Variants in PPP1R1C observed in about 807,000 individuals in gnomAD.
The protein encoded by PPP1R1C is protein phosphatase 1 regulatory inhibitor subunit 1C.
Under a neutral mutation model 17.4 loss-of-function variants are expected in PPP1R1C, and 15 were observed. That is an observed-to-expected ratio of 0.86 (90% confidence interval 0.58 to 1.33). The LOEUF is 1.33. Ranked by LOEUF, PPP1R1C falls within the 40% of genes most tolerant of loss-of-function variation. The pLI, the probability that PPP1R1C is intolerant of heterozygous loss-of-function variation, is 0.00. For synonymous variants in PPP1R1C, 35 were observed against 43.1 expected, an observed-to-expected ratio of 0.81 and a Z score of 0.73; for missense variants, 143 against 130.0, an observed-to-expected ratio of 1.10 and a Z score of -0.48.
Position 181,961,759 on chromosome 2 carries a change from T to G in PPP1R1C, n.111+7125T>G. The G allele has an allele frequency of 8.0e-7, 1 of 1,243,996 alleles. No homozygotes were observed. Among genetic ancestry groups the G allele is most frequent in the Non-Finnish European group, 1.2e-6 (1 of 856,426 alleles). 77.1% of individuals were successfully genotyped at this position (1,243,996 alleles called of 1,614,324 possible). On this transcript the variant is annotated intron_variant and non_coding_transcript_variant, in intron 1 of 5. Coordinates refer to the PPP1R1C transcript ENST00000464264. The surrounding 1 kb of genome is among the most constrained non-coding windows in gnomAD (Gnocchi z 5.8). Reference sequence around the variant, plus strand: ...TATGATCTTGGCAAGGTCCTGAGATTTGGGGGCATCTACCTCCACGGTCAA... The same window carrying G: ...TATGATCTTGGCAAGGTCCTGAGATGTGGGGGCATCTACCTCCACGGTCAA...
intron 2 of PPP1R1C, among the ~76,000 whole-genome samples, chr2:181,993,965 T>C (rs1685540556): frequency 6.6e-6 from 1 of 151,944 alleles, no homozygotes. Context: ...CTAATCCAGA[T>C]GATGTTAGTC....
chr2:182,028,065 T>C (rs1316241384), intron 2 of PPP1R1C, among the ~76,000 whole-genome samples: 1 of 135,032 alleles, frequency 7.4e-6, no homozygotes, highest in Non-Finnish European at 1.6e-5. Context: ...ATATCCCCTT[T>C]ATCATTTTTT....
At chr2:182,078,064 C>G (rs1442005734) in intron 4 of PPP1R1C, among the ~76,000 whole-genome samples, 2 of 152,108 alleles carry the variant, frequency 1.3e-5, no homozygotes, top group Non-Finnish European at 2.9e-5. Context: ...CCTGTTGTCC[C>G]AGCTACTCCG....
At chr2:182,029,611 G>A (rs1686749929) in intron 2 of PPP1R1C, among the ~76,000 whole-genome samples, 1 of 130,698 alleles carries the variant, frequency 7.7e-6, no homozygotes, top group South Asian at 2.9e-4. Flanking sequence ...TCCCTTTGAG[G>A]GTAACCCGAC....
chr2:182,096,963 T>C (rs1269195705), intron 4 of PPP1R1C, among the ~76,000 whole-genome samples: 2 of 152,176 alleles, frequency 1.3e-5, no homozygotes, highest in African/African-American at 2.4e-5. Flanking sequence ...CAGAATCAGG[T>C]GACAAAGACT....
chr2:182,063,694 A>G, intron 3 of PPP1R1C, 37 bp from the exon 4 acceptor site: 1 of 1,561,208 alleles, frequency 6.4e-7, no homozygotes, highest in South Asian at 1.1e-5. Context: ...CTTTGTATCC[A>G]AATCTAAGGC....
At chr2:182,084,561 A>G (rs1460879091) in intron 4 of PPP1R1C, among the ~76,000 whole-genome samples, 6 of 152,094 alleles carry the variant, frequency 3.9e-5, no homozygotes. Context: ...TGCTTCATTT[A>G]AGATCAGCTG....
At chr2:181,983,241 T>C (rs998854925), upstream of PPP1R1C, among the ~76,000 whole-genome samples, 1 of 152,342 alleles carries the variant, frequency 6.6e-6, no homozygotes, top group African/African-American at 2.4e-5. Flanking sequence ...GCCCAAGCCC[T>C]ATGCAAAATT....
chr2:182,043,428 C>T (rs1439353070), intron 2 of PPP1R1C, among the ~76,000 whole-genome samples: 2 of 151,722 alleles, frequency 1.3e-5, no homozygotes, highest in African/African-American at 4.8e-5. Context: ...ATTTATCTGC[C>T]GTAATGTTAT....
intron 2 of PPP1R1C, among the ~76,000 whole-genome samples, chr2:182,008,671 AC>A (rs1303476297): frequency 1.3e-5 from 2 of 152,180 alleles, no homozygotes; most frequent in African/African-American, 2.4e-5. Flanking sequence ...CCTTTGTGTT[AC>A]AAATATTCTC....
chr2:182,072,424 A>G (rs1688166151), intron 4 of PPP1R1C, among the ~76,000 whole-genome samples: 1 of 152,236 alleles, frequency 6.6e-6, no homozygotes, highest in African/African-American at 2.4e-5. Context: ...GTAGTGCTTC[A>G]ACATATACAA....
intron 2 of PPP1R1C, among the ~76,000 whole-genome samples, chr2:182,052,239 G>A (rs1026410774): frequency 1.3e-5 from 2 of 152,128 alleles, no homozygotes; most frequent in African/African-American, 2.4e-5. Context: ...CCTAGGATTA[G>A]TTTTAAGGGA....
At chr2:182,122,822 G>C (rs1001193893) in intron 5 of PPP1R1C, among the ~76,000 whole-genome samples, 8 of 152,092 alleles carry the variant, frequency 5.3e-5, no homozygotes, top group Admixed American at 5.2e-4. Flanking sequence ...TTCTGGAGTT[G>C]TCTCTGTTTT....
chr2:181,996,015 A>G (rs528946508), intron 2 of PPP1R1C, among the ~76,000 whole-genome samples: 19 of 152,202 alleles, frequency 1.2e-4, no homozygotes, highest in Non-Finnish European at 2.5e-4. Flanking sequence ...GGAGAACACA[A>G]GCTCCATCCA....
intron 1 of PPP1R1C, among the ~76,000 whole-genome samples, chr2:181,969,713 T>C (rs1196237564): frequency 6.6e-6 from 1 of 152,204 alleles, no homozygotes; most frequent in Non-Finnish European, 1.5e-5. Flanking sequence ...TCTCTCTCTC[T>C]ACCTTGCCTT....
chr2:181,962,446 G>T lies in PPP1R1C; in HGVS notation n.111+7812G>T. The stretch of plus-strand genomic sequence containing the variant: ...GGACAGAGCCCAGGAACAGGTAGTT[G>T]GTGGAGAAGATGGAGCGAGTGGTGA... On this transcript the variant is annotated intron_variant and non_coding_transcript_variant, in intron 1 of 5. Coordinates refer to the PPP1R1C transcript ENST00000464264. The surrounding 1 kb of genome is among the most constrained non-coding windows in gnomAD (Gnocchi z 6.0). The T allele has an allele frequency of 1.4e-6, 1 of 706,740 alleles. No individual in the cohort carries two copies. Among genetic ancestry groups the T allele is most frequent in the South Asian group, 1.4e-5 (1 of 70,654 alleles). The allele number at this position is 706,740 out of a possible 1,614,324, so 43.8% of individuals were successfully genotyped here.
At chr2:182,031,425 C>T (rs981215941) in intron 2 of PPP1R1C, among the ~76,000 whole-genome samples, 10 of 152,010 alleles carry the variant, frequency 6.6e-5, no homozygotes, top group Admixed American at 1.3e-4. Context: ...GCTAAACATT[C>T]GGATAAAAAT....
chr2:182,112,354 A>T (rs566435358), intron 4 of PPP1R1C, among the ~76,000 whole-genome samples: 1 of 152,136 alleles, frequency 6.6e-6, no homozygotes, highest in East Asian at 1.9e-4. Flanking sequence ...AAATTCTATT[A>T]TCTTTCTGAC....
rs1038978448 is a variant in PPP1R1C, at chr2:181,957,219, G to C, written n.111+2585G>C. Among the ~76,000 whole-genome samples, 8 of 152,152 alleles carry C rather than the reference G, an allele frequency of 5.3e-5. No homozygotes were observed. The highest frequency in any genetic ancestry group is 1.9e-4 in the African/African-American group (8 of 41,426). On this transcript the variant is annotated intron_variant and non_coding_transcript_variant, in intron 1 of 5. Coordinates refer to the PPP1R1C transcript ENST00000464264. The surrounding 1 kb of genome is among the most constrained non-coding windows in gnomAD (Gnocchi z 4.2). ...TACCAAAAATACAAAAATTAGCCAG[G>C]CATGGTAGTGCACCCCTGTAATCCC...
Sources: allele counts gnomAD v4.1 joint callset (sites outside exome capture counted in the v4.1 genomes callset), GRCh38; gene constraint gnomAD v4.1.1; non-coding constraint Gnocchi (gnomAD v3.1); transcripts MANE v1.5; gene names NCBI Gene and HGNC (gene_info 2026-07-23, HGNC 2026-07-21).